Variants in HSD17B14 observed in about 807,000 individuals in gnomAD.
HSD17B14 encodes the protein hydroxysteroid 17-beta dehydrogenase 14.
A neutral mutation model predicts 32.2 loss-of-function variants in HSD17B14; 32 were observed. That is an observed-to-expected ratio of 0.99 (90% confidence interval 0.75 to 1.33). The LOEUF is 1.33. Among genes scored for constraint, HSD17B14 ranks in the 40% most tolerant of loss-of-function variants. HSD17B14 has a pLI of 0.00. For synonymous variants in HSD17B14, 140 were observed against 155.4 expected, an observed-to-expected ratio of 0.90 and a Z score of 0.74; for missense variants, 370 against 366.5, an observed-to-expected ratio of 1.01 and a Z score of -0.08.
intron 5 of HSD17B14, among the ~76,000 whole-genome samples, chr19:48,826,508 AAAG>A: frequency 1.3e-5 from 1 of 75,186 alleles, no homozygotes; most frequent in African/African-American, 4.4e-5. Flanking sequence ...AAAAAAAAAA[AAAG>A]TAAAAGAAAA....
At chr19:48,822,374 ATGT>A (rs1335341962) in intron 5 of HSD17B14, among the ~76,000 whole-genome samples, 56 of 139,982 alleles carry the variant, frequency 4.0e-4, no homozygotes, top group East Asian at 9.0e-4. Context: ...GGTGATGCTG[ATGT>A]TGTTGATGGT....
rs2034988267 is a variant in HSD17B14 at position 48,813,149 on chromosome 19, G to A, written c.*26C>T. ...TTTGGGGTGGGAGAGTCCTAGGAAG[G>A]GGGCCCCAAGTAGAAATGAGAGAAA... On this transcript the variant is annotated 3_prime_UTR_variant, in exon 9 of 9. Transcript: ENST00000263278. The A allele has an allele frequency of 6.5e-7, 1 of 1,550,186 alleles. No individual in the cohort carries two copies. Among genetic ancestry groups the A allele is most frequent in the African/African-American group, 1.4e-5 (1 of 73,672 alleles).
chr19:48,816,239 T>A (rs12609200), intron 5 of HSD17B14, among the ~76,000 whole-genome samples: 47,272 of 151,800 alleles, frequency 0.31, 7,451 homozygotes, highest in East Asian at 0.37. Flanking sequence ...TCCCTGCCAC[T>A]TAAGACTAAT....
chr19:48,827,784 C>T (rs895936436), intron 5 of HSD17B14, among the ~76,000 whole-genome samples: 1 of 151,636 alleles, frequency 6.6e-6, no homozygotes, highest in Admixed American at 6.6e-5. Context: ...GTGATCCACC[C>T]GCCTTGGCAT....
chr19:48,814,290 T>G (rs1279615502), intron 6 of HSD17B14, among the ~76,000 whole-genome samples: 4 of 125,528 alleles, frequency 3.2e-5, no homozygotes, highest in African/African-American at 1.2e-4. Context: ...GAGGCCGAGG[T>G]GGGTGGATCA....
intron 5 of HSD17B14, among the ~76,000 whole-genome samples, chr19:48,826,743 A>G (rs2035257873): frequency 6.6e-6 from 1 of 151,608 alleles, no homozygotes; most frequent in Non-Finnish European, 1.5e-5. Flanking sequence ...TGGATCTTGG[A>G]TGCGACCTCA....
At chr19:48,832,167 G>A (rs1376830765) in intron 4 of HSD17B14, among the ~76,000 whole-genome samples, 2 of 150,722 alleles carry the variant, frequency 1.3e-5, no homozygotes, top group African/African-American at 4.9e-5. Flanking sequence ...ATCATCTGAG[G>A]TCAGGAGTTC....
intron 6 of HSD17B14, among the ~76,000 whole-genome samples, chr19:48,814,724 G>T (rs1309306670): frequency 6.8e-6 from 1 of 147,502 alleles, no homozygotes; most frequent in Non-Finnish European, 1.5e-5. Flanking sequence ...TGCGCCTGTA[G>T]TCCCAGCTAC....
At chr19:48,818,539 C>G (rs529834964) in intron 5 of HSD17B14, among the ~76,000 whole-genome samples, 8 of 152,004 alleles carry the variant, frequency 5.3e-5, no homozygotes, top group Non-Finnish European at 8.8e-5. Flanking sequence ...TCTCCTCCCC[C>G]ACCTGACCCT....
intron 5 of HSD17B14, among the ~76,000 whole-genome samples, chr19:48,823,025 T>C (rs2035186614): frequency 6.6e-6 from 1 of 152,140 alleles, no homozygotes; most frequent in African/African-American, 2.4e-5. Context: ...CAAAAGTCTT[T>C]GCCCTCAGGG....
rs560451978 is a variant in HSD17B14, at chr19:48,833,598, G to A, written c.210+678C>T. ...TCCCAGCACTTTGGGAGGCTGAGGCGGGCGGATCATCTGAGGTTGGGAGTT... is the reference window on the plus strand; with the variant it reads ...TCCCAGCACTTTGGGAGGCTGAGGCAGGCGGATCATCTGAGGTTGGGAGTT... On this transcript the variant is annotated intron_variant, in intron 3 of 8. Transcript: ENST00000263278. 3.9e-5 allele frequency among the ~76,000 whole-genome samples: 6 copies of A among 151,920 alleles called. No individual in the cohort carries two copies. In the South Asian group the frequency reaches 1.0e-3, roughly 26 times the overall value.
intron 4 of HSD17B14, among the ~76,000 whole-genome samples, chr19:48,832,021 T>C (rs1265420249): frequency 1.4e-5 from 2 of 140,184 alleles, no homozygotes; most frequent in African/African-American, 5.5e-5. Context: ...CAGGTTGCAG[T>C]GAGCCTAGAT....
intron 5 of HSD17B14, among the ~76,000 whole-genome samples, chr19:48,829,078 A>C (rs114480573): frequency 0.016 from 2,373 of 152,044 alleles, 65 homozygotes; most frequent in African/African-American, 0.054. Context: ...AAATTAATTA[A>C]TTTTTAAAAA....
intron 4 of HSD17B14, among the ~76,000 whole-genome samples, chr19:48,832,431 A>G (rs1164317102): frequency 6.6e-6 from 1 of 152,010 alleles, no homozygotes; most frequent in African/African-American, 2.4e-5. Flanking sequence ...AGAAAAGAAG[A>G]GAGACATGGC....
rs2035004449 is a variant in HSD17B14 at position 48,813,774 on chromosome 19, TG to T, written c.475-45del. On this transcript the variant is annotated intron_variant, in intron 6 of 8. Transcript: ENST00000263278. ...GGAAGAAAGTTCAGTCCCCGGGACA[TG>T]GGGTCCCTGCCATCCATTGTCTCCT... 2 of 1,605,226 alleles carry T rather than the reference TG, an allele frequency of 1.2e-6. 1 individual carries two copies. Among genetic ancestry groups the T allele is most frequent in the South Asian group, 2.2e-5 (2 of 90,908 alleles).
At chr19:48,825,264 G>A (rs1230272150) in intron 5 of HSD17B14, among the ~76,000 whole-genome samples, 4 of 144,080 alleles carry the variant, frequency 2.8e-5, no homozygotes, top group Non-Finnish European at 6.0e-5. Flanking sequence ...AAAATTGTAT[G>A]ATCTGGGTGG....
rs1310036370 is a variant in HSD17B14 at position 48,832,665 on chromosome 19, C to T, written c.277+1G>A. ...AATGGCCCTGGGGTCTCACAACTCA[C>T]GGTGGCCAGCGTTGTTGACAACACA... On this transcript the variant is annotated splice_donor_variant, in intron 4 of 8. Transcript: ENST00000263278. LOFTEE classifies it high-confidence loss of function. 9.9e-6 allele frequency: 16 copies of T among 1,612,402 alleles called. No homozygotes were observed. Among genetic ancestry groups the T allele is most frequent in the South Asian group, 1.1e-5 (1 of 90,686 alleles).
intron 5 of HSD17B14, 137 bp downstream of exon 5, chr19:48,831,531 C>A: frequency 1.4e-6 from 1 of 705,738 alleles, no homozygotes. Flanking sequence ...CCAGCCTGGG[C>A]GACAGAGAGA....
chr19:48,833,110 C>T (rs1255365124), intron 3 of HSD17B14, among the ~76,000 whole-genome samples: 1 of 151,412 alleles, frequency 6.6e-6, no homozygotes. Flanking sequence ...ACAGGGCTCC[C>T]AAATGCAAGG....
Sources: allele counts gnomAD v4.1 joint callset (sites outside exome capture counted in the v4.1 genomes callset), GRCh38; gene constraint gnomAD v4.1.1; transcripts MANE v1.5; gene names NCBI Gene and HGNC (gene_info 2026-07-23, HGNC 2026-07-21).